Variants in GRID2 observed in about 807,000 individuals in gnomAD.
The protein encoded by GRID2 is glutamate receptor ionotropic, delta-2.
In GRID2, 33 loss-of-function variants were observed where a neutral mutation model predicts 114.8. The ratio of observed to expected loss-of-function variants is 0.29; its 90% CI spans 0.22 to 0.38. The LOEUF (loss-of-function observed/expected upper bound fraction) is 0.38, where lower values mean the gene tolerates loss of function less well. Ranked by LOEUF, GRID2 falls within the 10% of genes least tolerant of loss-of-function variation. The probability of loss-of-function intolerance (pLI) is 1.00; values close to 1 mark genes in which losing one functional copy is unlikely to be tolerated. For missense variants in GRID2, 1,184 were observed against 1,257.7 expected, an observed-to-expected ratio of 0.94 and a Z score of 0.89; for synonymous variants, 505 against 449.9, an observed-to-expected ratio of 1.12 and a Z score of -1.55.
chr4:93,263,247 G>C (rs1292950039), intron 8 of GRID2, among the ~76,000 whole-genome samples: 3 of 151,268 alleles, frequency 2.0e-5, no homozygotes, highest in Non-Finnish European at 4.4e-5. Context: ...GATTTATTTT[G>C]TTTTGACTTA....
intron 2 of GRID2, among the ~76,000 whole-genome samples, chr4:92,797,859 T>C (rs1739967704): frequency 6.6e-6 from 1 of 151,898 alleles, no homozygotes; most frequent in Admixed American, 6.6e-5. Context: ...AATGTACAAA[T>C]GCAAAACTAC....
At position 92,456,041 on chromosome 4, in the gene GRID2, G is replaced by T. The variant is rs117917215; in HGVS notation, c.89-134090G>T. ...TGGTGGACGATATGTCAAAAATTTA[G>T]AACTTTCTCCCATCTTTCCAAGTTG... is the stretch of plus-strand genomic sequence containing the variant. On this transcript the variant is annotated intron_variant, in intron 1 of 15. Coordinates refer to ENST00000282020, the MANE Select transcript of GRID2 (RefSeq NM_001510.4). 2.6e-5 allele frequency among the ~76,000 whole-genome samples: 4 copies of T among 152,104 alleles called. No individual in the cohort carries two copies. In the East Asian group the frequency reaches 7.7e-4, roughly 29 times the overall value.
chr4:92,971,014 TA>T (rs538209445), intron 2 of GRID2, among the ~76,000 whole-genome samples: 2,017 of 148,704 alleles, frequency 0.014, 16 homozygotes, highest in Middle Eastern at 0.028. Flanking sequence ...AAGCTTTTTT[TA>T]AAAAAAAAAA....
At chr4:93,322,638 G>A (rs1483202518) in intron 8 of GRID2, among the ~76,000 whole-genome samples, 1 of 152,136 alleles carries the variant, frequency 6.6e-6, no homozygotes, top group African/African-American at 2.4e-5. Context: ...TTCCACAATG[G>A]TTGAACTAGT....
chr4:93,436,945 T>G (rs923203085), intron 10 of GRID2, among the ~76,000 whole-genome samples: 7 of 152,134 alleles, frequency 4.6e-5, no homozygotes, highest in Non-Finnish European at 7.4e-5. Context: ...ATGATTGATA[T>G]ATATTTTATT....
At chr4:92,729,579 G>T (rs529177969) in intron 2 of GRID2, among the ~76,000 whole-genome samples, 1 of 152,026 alleles carries the variant, frequency 6.6e-6, no homozygotes, top group Non-Finnish European at 1.5e-5. Flanking sequence ...GCGCTAAAGC[G>T]TAAGGATTTT....
At chr4:92,799,838 A>G (rs1740069526) in intron 2 of GRID2, among the ~76,000 whole-genome samples, 1 of 152,016 alleles carries the variant, frequency 6.6e-6, no homozygotes, top group Admixed American at 6.6e-5. Context: ...TATTTTTGAT[A>G]GACTAGGTCA....
chr4:93,406,010 C>A (rs1487258123), intron 9 of GRID2, among the ~76,000 whole-genome samples: 1 of 152,094 alleles, frequency 6.6e-6, no homozygotes. Flanking sequence ...CTTTACTGAA[C>A]CTTTAAGATT....
chr4:92,934,018 A>G (rs942754829), intron 2 of GRID2, among the ~76,000 whole-genome samples: 3 of 151,806 alleles, frequency 2.0e-5, no homozygotes, highest in Non-Finnish European at 4.4e-5. Context: ...ATACACAGCA[A>G]GTTTGTAAAT....
chr4:93,556,069 C>CA (rs1172108962), intron 13 of GRID2, among the ~76,000 whole-genome samples: 3 of 152,142 alleles, frequency 2.0e-5, no homozygotes, highest in Non-Finnish European at 2.9e-5. Flanking sequence ...TCAACATCAA[C>CA]AAAAAGGATG....
At chr4:93,375,462 C>A (rs1445569643) in intron 8 of GRID2, among the ~76,000 whole-genome samples, 3 of 152,100 alleles carry the variant, frequency 2.0e-5, no homozygotes, top group African/African-American at 7.2e-5. Flanking sequence ...CTGCCCACTT[C>A]ATTTTCCCAA....
chr4:92,340,354 A>C (rs750317107), intron 1 of GRID2, among the ~76,000 whole-genome samples: 2 of 152,132 alleles, frequency 1.3e-5, no homozygotes, highest in African/African-American at 2.4e-5. Flanking sequence ...TCCCAAAGTA[A>C]ATTTGTATGA....
At chr4:93,452,022 T>G (rs555032704) in intron 10 of GRID2, among the ~76,000 whole-genome samples, 1 of 152,244 alleles carries the variant, frequency 6.6e-6, no homozygotes, top group African/African-American at 2.4e-5. Flanking sequence ...CATCTAGAAA[T>G]AATACATTTG....
chr4:92,543,257 T>C (rs1011989873), intron 1 of GRID2, among the ~76,000 whole-genome samples: 1 of 152,136 alleles, frequency 6.6e-6, no homozygotes, highest in African/African-American at 2.4e-5. Context: ...ATCTCCATTT[T>C]GCAGGTTAGG....
Position 93,722,620 on chromosome 4 carries a change from G to T in GRID2, c.2361-46590G>T, listed in dbSNP as rs562738410. Among the ~76,000 whole-genome samples, 4 of 152,300 alleles carry T rather than the reference G, an allele frequency of 2.6e-5. No individual in the cohort carries two copies. The South Asian group carries it at 6.2e-4, about 24-fold the overall frequency. Reference sequence around the variant, plus strand: ...CAATCACTCAAACTGAAAACTGCCAGTTGGCCTTGGCCTCCCACTTTCTCA... The same window carrying T: ...CAATCACTCAAACTGAAAACTGCCATTTGGCCTTGGCCTCCCACTTTCTCA... On this transcript the variant is annotated intron_variant, in intron 14 of 15. Coordinates refer to ENST00000282020, the MANE Select transcript of GRID2 (RefSeq NM_001510.4).
chr4:93,525,134 G>A (rs997268661), intron 13 of GRID2, among the ~76,000 whole-genome samples: 2 of 151,968 alleles, frequency 1.3e-5, no homozygotes, highest in Non-Finnish European at 2.9e-5. Context: ...GTACCCCACA[G>A]AGATTTGTAC....
intron 8 of GRID2, among the ~76,000 whole-genome samples, chr4:93,276,300 A>G (rs1480881830): frequency 2.6e-5 from 4 of 152,134 alleles, no homozygotes; most frequent in Non-Finnish European, 4.4e-5. Context: ...ATTCAATTTC[A>G]TCAGTACATA....
chr4:93,768,378 T>A (rs1342373840), intron 14 of GRID2, among the ~76,000 whole-genome samples: 1 of 152,176 alleles, frequency 6.6e-6, no homozygotes, highest in Non-Finnish European at 1.5e-5. Flanking sequence ...AGGTAGAGCC[T>A]AAGAAGCACT....
At chr4:93,120,203 T>G (rs1212737769) in intron 4 of GRID2, among the ~76,000 whole-genome samples, 1 of 152,180 alleles carries the variant, frequency 6.6e-6, no homozygotes, top group Non-Finnish European at 1.5e-5. Flanking sequence ...CTCAAGGATC[T>G]AGAACCAGAA....
Sources: gnomAD v4.1 joint callset for allele counts (sites outside exome capture counted in the v4.1 genomes callset) on GRCh38, gnomAD v4.1.1 for gene constraint, MANE v1.5 for transcripts, NCBI Gene and HGNC (gene_info 2026-07-23, HGNC 2026-07-21) for gene names.